The following DMD variants were observed in gnomAD, a reference collection of about 807,000 sequenced individuals.
The protein encoded by DMD is dystrophin, also known as mutant dystrophin.
A neutral mutation model predicts 330.1 loss-of-function variants in DMD; 63 were observed. The observed-to-expected ratio is 0.19, with a 90% CI of 0.16 to 0.24. DMD has a LOEUF of 0.24. Among genes scored for constraint, DMD ranks in the 10% least tolerant of loss-of-function variants. The pLI, the probability that DMD is intolerant of heterozygous loss-of-function variation, is 1.00. For missense variants in DMD, 3,344 were observed against 2,684.1 expected (o/e 1.25, Z -5.43); for synonymous variants, 1,223 against 959.8 (o/e 1.27, Z -5.07).
At chrX:32,108,434 T>G (rs1179704207) in intron 44 of DMD, among the ~76,000 whole-genome samples, 1 of 111,848 alleles carries the variant, frequency 8.9e-6, no homozygotes, top group East Asian at 2.8e-4. Context: ...GAAACAGTAT[T>G]TATAGAAACA....
At chrX:31,745,329 G>A (rs2087733492) in intron 51 of DMD, among the ~76,000 whole-genome samples, 1 of 111,301 alleles carries the variant, frequency 9.0e-6, no homozygotes, top group South Asian at 3.8e-4. Context: ...GGGCCAGAAT[G>A]TGAGGGCTCA....
intron 1 of DMD, among the ~76,000 whole-genome samples, chrX:33,296,081 T>C (rs1468351429): frequency 1.8e-5 from 2 of 111,872 alleles, no homozygotes; most frequent in African/African-American, 6.5e-5. Context: ...GTAAGTTAAA[T>C]CATATCACAT....
intron 2 of DMD, among the ~76,000 whole-genome samples, chrX:32,990,334 G>A (rs2092941968): frequency 9.0e-6 from 1 of 111,541 alleles, no homozygotes; most frequent in Non-Finnish European, 1.9e-5. Context: ...ATAATAATAG[G>A]AACAAACTCA....
chrX:32,776,096 C>T (rs774299208), intron 7 of DMD, among the ~76,000 whole-genome samples: 11 of 111,763 alleles, frequency 9.8e-5, no homozygotes, highest in Non-Finnish European at 1.9e-4. Context: ...CAAAATGCCA[C>T]CAATCTCTTT....
intron 44 of DMD, among the ~76,000 whole-genome samples, chrX:32,019,082 A>T (rs891787071): frequency 1.1e-4 from 12 of 109,843 alleles, no homozygotes; most frequent in African/African-American, 4.0e-4. Context: ...TTTCAAAGAC[A>T]TCATCATTTT....
intron 17 of DMD, among the ~76,000 whole-genome samples, chrX:32,539,571 A>T (rs1183172143): frequency 9.0e-6 from 1 of 111,216 alleles, no homozygotes; most frequent in East Asian, 2.8e-4. Flanking sequence ...CCTTCAAATA[A>T]CTTGGTATAT....
intron 2 of DMD, among the ~76,000 whole-genome samples, chrX:32,974,351 T>C (rs956021585): frequency 6.3e-5 from 7 of 110,946 alleles, no homozygotes; most frequent in African/African-American, 2.3e-4. Flanking sequence ...GATGAAAGTA[T>C]TCTGCAACTA....
At chrX:32,425,379 G>A (rs1478661599) in intron 29 of DMD, among the ~76,000 whole-genome samples, 1 of 110,994 alleles carries the variant, frequency 9.0e-6, no homozygotes. Context: ...CACTTCCAAA[G>A]TCAATCCTTC....
At chrX:32,879,435 C>A (rs1047829034) in intron 2 of DMD, among the ~76,000 whole-genome samples, 1 of 111,962 alleles carries the variant, frequency 8.9e-6, no homozygotes, top group African/African-American at 3.2e-5. Flanking sequence ...CCCTCCTCAT[C>A]CTACTGGCAA....
intron 9 of DMD, among the ~76,000 whole-genome samples, chrX:32,668,150 GAA>G (rs747294030): frequency 9.8e-6 from 1 of 102,088 alleles, no homozygotes. Context: ...TCCATCTCGG[GAA>G]AAAAAAAAAA....
At chrX:32,597,004 C>G (rs764240567) in intron 12 of DMD, among the ~76,000 whole-genome samples, 1 of 111,711 alleles carries the variant, frequency 9.0e-6, no homozygotes, top group Non-Finnish European at 1.9e-5. Flanking sequence ...TAGCACCTGA[C>G]TACCTCACCA....
chrX:31,422,848 CT>C (rs375837061), intron 60 of DMD, among the ~76,000 whole-genome samples: 1,860 of 101,256 alleles, frequency 0.018, 24 homozygotes, highest in African/African-American at 0.037. Context: ...AGTTATAAGA[CT>C]TTTTTTTTTT....
At chrX:31,331,815 A>G (rs754497015) in intron 61 of DMD, among the ~76,000 whole-genome samples, 2 of 112,217 alleles carry the variant, frequency 1.8e-5, no homozygotes, top group East Asian at 5.6e-4. Context: ...TGTGAAAGGT[A>G]TTGTATTAGG....
At chrX:32,282,472 G>C (rs1397932597) in intron 43 of DMD, among the ~76,000 whole-genome samples, 1 of 111,891 alleles carries the variant, frequency 8.9e-6, no homozygotes, top group Non-Finnish European at 1.9e-5. Flanking sequence ...ATACGTTCAT[G>C]GTGCTTGTGG....
chrX:31,949,774 T>C (rs2095136058), intron 45 of DMD, among the ~76,000 whole-genome samples: 1 of 111,489 alleles, frequency 9.0e-6, no homozygotes, highest in South Asian at 3.7e-4. Context: ...ATTTTTTCAT[T>C]TAATATGTTT....
At chrX:31,187,247 T>C (rs757954211) in intron 67 of DMD, among the ~76,000 whole-genome samples, 1 of 112,594 alleles carries the variant, frequency 8.9e-6, no homozygotes, top group East Asian at 2.8e-4. Context: ...GTCATTATTA[T>C]TATCCATCTG....
intron 17 of DMD, among the ~76,000 whole-genome samples, chrX:32,539,033 C>G (rs1427829475): frequency 9.0e-6 from 1 of 111,550 alleles, no homozygotes; most frequent in Non-Finnish European, 1.9e-5. Context: ...CCATAGCATT[C>G]TCTAGAATTC....
At chrX:32,475,525 T>G (rs1248428868) in intron 21 of DMD, among the ~76,000 whole-genome samples, 1 of 111,882 alleles carries the variant, frequency 8.9e-6, no homozygotes, top group Non-Finnish European at 1.9e-5. Flanking sequence ...CATCTATGAT[T>G]TCTTTCAGCA....
intron 4 of DMD, among the ~76,000 whole-genome samples, chrX:32,835,669 C>T (rs1232373708): frequency 1.8e-5 from 2 of 111,272 alleles, no homozygotes; most frequent in African/African-American, 6.5e-5. Context: ...ACAGGTTAAA[C>T]GCCAGGACAG....
Sources: gnomAD v4.1 joint callset for allele counts (sites outside exome capture counted in the v4.1 genomes callset) on GRCh38, gnomAD v4.1.1 for gene constraint, MANE v1.5 for transcripts, NCBI Gene and HGNC (gene_info 2026-07-23, HGNC 2026-07-21) for gene names.